Variants in INO80 observed in about 807,000 individuals in gnomAD.
INO80 encodes the protein chromatin-remodeling ATPase INO80.
Under a neutral mutation model 203.4 loss-of-function variants are expected in INO80, and 20 were observed. The observed-to-expected ratio is 0.10, with a 90% CI of 0.07 to 0.14. The LOEUF is 0.14. Ranked by LOEUF, INO80 falls within the 10% of genes least tolerant of loss-of-function variation. The pLI, the probability that INO80 is intolerant of heterozygous loss-of-function variation, is 1.00. For synonymous variants in INO80, 726 were observed against 685.2 expected (o/e 1.06, Z -0.93); for missense variants, 1,419 against 1,914.4 (o/e 0.74, Z 4.83).
rs561045928 is a variant in INO80 at position 41,074,402 on chromosome 15, C to T, written c.1295G>A (p.Gly432Glu). Residue 432 changes from glycine to glutamate, a missense_variant, in exon 10 of 36, where the codon GGA becomes GAA. By Grantham distance (98) the Gly-to-Glu change is moderately conservative. This residue lies in a region of INO80 where 116 missense variants were observed against 119.5 expected (regional missense o/e 0.97). Coordinates refer to ENST00000648947, the MANE Select transcript of INO80 (RefSeq NM_017553.3). The part of the protein sequence containing the change: ...STQRQIDIGG[G>E]VVVNITQEDY... ...CTCCTGTGTGATGTTAACTACCACTCCTCCACCTATATCGATTTGTCTCTG... is the reference window on the plus strand; with the variant it reads ...CTCCTGTGTGATGTTAACTACCACTTCTCCACCTATATCGATTTGTCTCTG... 1.2e-6 allele frequency: 2 copies of T among 1,613,726 alleles called. No homozygotes were observed. Among genetic ancestry groups the T allele is most frequent in the African/African-American group, 1.3e-5 (1 of 75,008 alleles).
intron 24 of INO80, among the ~76,000 whole-genome samples, chr15:41,030,534 G>GT (rs2044442983): frequency 1.3e-5 from 2 of 151,864 alleles, no homozygotes; most frequent in Non-Finnish European, 2.9e-5. Flanking sequence ...TTTAATTTTT[G>GT]TATTTTTAGT....
chr15:41,034,485 C>A (rs539000760), intron 24 of INO80, among the ~76,000 whole-genome samples: 3 of 152,176 alleles, frequency 2.0e-5, no homozygotes, highest in Non-Finnish European at 2.9e-5. Flanking sequence ...AAAACAAAGT[C>A]TTTACCTTGA....
chr15:41,051,898 C>CCTGG (rs930043214), intron 19 of INO80, among the ~76,000 whole-genome samples: 50 of 152,198 alleles, frequency 3.3e-4, no homozygotes, highest in African/African-American at 1.2e-3. Context: ...GCGGAGGTTG[C>CCTGG]AGTGAGCTGA....
intron 27 of INO80, among the ~76,000 whole-genome samples, chr15:41,005,995 T>C (rs1013379448): frequency 2.2e-5 from 3 of 137,824 alleles, no homozygotes; most frequent in Non-Finnish European, 4.7e-5. Context: ...CAAACCAAAA[T>C]AGTTTTTCAG....
chr15:41,049,568 AG>A, intron 20 of INO80, 148 bp from the exon 21 acceptor site: 1 of 772,724 alleles, frequency 1.3e-6, no homozygotes. Context: ...TCTGGCATCA[AG>A]GATAGACTGT....
intron 5 of INO80, among the ~76,000 whole-genome samples, chr15:41,090,456 A>C (rs1212357066): frequency 6.6e-6 from 1 of 152,178 alleles, no homozygotes; most frequent in Non-Finnish European, 1.5e-5. Context: ...ACACGCCTGT[A>C]ATCTCAGCTA....
intron 19 of INO80, among the ~76,000 whole-genome samples, chr15:41,052,594 G>A (rs1243241574): frequency 1.3e-5 from 2 of 149,288 alleles, no homozygotes; most frequent in East Asian, 4.0e-4. Flanking sequence ...GACTGCTTGA[G>A]CCAAGGAGGT....
intron 27 of INO80, among the ~76,000 whole-genome samples, chr15:41,015,774 T>TAAAA (rs999539137): frequency 3.2e-5 from 3 of 93,100 alleles, no homozygotes; most frequent in African/African-American, 4.3e-5. Context: ...CATCTCTACT[T>TAAAA]AAAAAAAAAA....
intron 29 of INO80, among the ~76,000 whole-genome samples, chr15:40,994,510 C>A (rs945227744): frequency 8.1e-5 from 12 of 148,648 alleles, no homozygotes; most frequent in African/African-American, 2.7e-4. Flanking sequence ...ACTACAGGCG[C>A]CCACCACCAA....
chr15:40,983,981 A>AC (rs1893931416), intron 33 of INO80, 60 bp from the exon 34 acceptor site: 1 of 1,567,382 alleles, frequency 6.4e-7, no homozygotes, highest in Admixed American at 1.7e-5. Flanking sequence ...ATGGCCTTGC[A>AC]CCCAGCTAGG....
chr15:41,092,080 G>A lies in INO80; in HGVS notation c.484C>T (p.Arg162Ter). 6.2e-7 allele frequency: 1 copy of A among 1,611,506 alleles called. No individual in the cohort carries two copies. Among genetic ancestry groups the A allele is most frequent in the Non-Finnish European group, 8.5e-7 (1 of 1,178,002 alleles). Reference sequence around the variant, plus strand: ...TGAAGTTTCTTATATTTGTGTAGTCGAAGCATGTTGTGAAGTTCTTCTCTG... The same window carrying A: ...TGAAGTTTCTTATATTTGTGTAGTCAAAGCATGTTGTGAAGTTCTTCTCTG... ...LSREELHNML[R>*]LHKYKKLHQN... Residue 162 changes from arginine to a stop codon, truncating the protein, a stop_gained, in exon 5 of 36, where the codon CGA becomes TGA. Coordinates refer to ENST00000648947, the MANE Select transcript of INO80 (RefSeq NM_017553.3). LOFTEE classifies it high-confidence loss of function.
intron 24 of INO80, among the ~76,000 whole-genome samples, chr15:41,038,858 T>C (rs1316954437): frequency 2.0e-5 from 3 of 152,190 alleles, no homozygotes; most frequent in Non-Finnish European, 4.4e-5. Flanking sequence ...ATGACTCTGG[T>C]AATTTAGCAG....
At chr15:41,016,379 C>T (rs1361324553) in intron 26 of INO80, among the ~76,000 whole-genome samples, 164 bp from the exon 27 acceptor site, 1 of 152,216 alleles carries the variant, frequency 6.6e-6, no homozygotes, top group Non-Finnish European at 1.5e-5. Context: ...GAAAATATCA[C>T]GACTCCAGGA....
chr15:41,019,146 T>C (rs1235006941), intron 26 of INO80, among the ~76,000 whole-genome samples: 1 of 152,200 alleles, frequency 6.6e-6, no homozygotes, highest in Non-Finnish European at 1.5e-5. Context: ...TTGAAGGGAT[T>C]GTACATCTTT....
intron 29 of INO80, among the ~76,000 whole-genome samples, chr15:40,991,852 C>T (rs2043820926): frequency 1.3e-5 from 2 of 152,006 alleles, no homozygotes; most frequent in African/African-American, 4.8e-5. Context: ...TGACTCACTG[C>T]AAGCTCCGCC....
At chr15:41,089,273 A>G (rs2045601458) in intron 5 of INO80, among the ~76,000 whole-genome samples, 1 of 152,208 alleles carries the variant, frequency 6.6e-6, no homozygotes, top group African/African-American at 2.4e-5. Flanking sequence ...GGAGTTTAAG[A>G]AGGAAGGAAC....
intron 4 of INO80, among the ~76,000 whole-genome samples, chr15:41,092,959 C>T (rs961966568): frequency 6.6e-6 from 1 of 152,118 alleles, no homozygotes; most frequent in Admixed American, 6.5e-5. Flanking sequence ...TGCTTGACCC[C>T]AGGAGTTCAA....
At chr15:41,081,428 G>A (rs1467715188) in intron 7 of INO80, among the ~76,000 whole-genome samples, 4 of 152,106 alleles carry the variant, frequency 2.6e-5, no homozygotes, top group Non-Finnish European at 5.9e-5. Context: ...CAATCTGCAA[G>A]GCTGAGAGAG....
chr15:40,997,889 T>C (rs2140427703), intron 28 of INO80, among the ~76,000 whole-genome samples: 1 of 152,258 alleles, frequency 6.6e-6, no homozygotes. Context: ...CAGAAAAATG[T>C]TACCATAGAT....
Sources: gnomAD v4.1 joint callset for allele counts (sites outside exome capture counted in the v4.1 genomes callset) on GRCh38, gnomAD v4.1.1 for gene constraint, gnomAD v4.1.1 regional missense constraint, MANE v1.5 for transcripts, NCBI Gene and HGNC (gene_info 2026-07-23, HGNC 2026-07-21) for gene names.